Variants in CACUL1 observed in about 807,000 individuals in gnomAD.
CACUL1 encodes CDK2 associated cullin domain 1, also known as CDK2-associated and cullin domain-containing protein 1.
A neutral mutation model predicts 45.2 loss-of-function variants in CACUL1; 13 were observed. That is an observed-to-expected ratio of 0.29 (90% CI 0.19 to 0.46). The LOEUF (loss-of-function observed/expected upper bound fraction) is 0.46, where lower values mean the gene tolerates loss of function less well. Among genes scored for constraint, CACUL1 ranks in the 20% least tolerant of loss-of-function variants. The pLI is 1.00. For missense variants in CACUL1, 421 were observed against 471.4 expected (o/e 0.89, Z 0.99); for synonymous variants, 197 against 174.2 (o/e 1.13, Z -1.03).
intron 1 of CACUL1, among the ~76,000 whole-genome samples, chr10:118,741,705 T>C (rs1845794598): frequency 6.6e-6 from 1 of 152,278 alleles, no homozygotes; most frequent in African/African-American, 2.4e-5. Flanking sequence ...TGTAACACCC[T>C]AACTAGCCCC....
intron 1 of CACUL1, among the ~76,000 whole-genome samples, chr10:118,735,621 T>C (rs1845733280): frequency 6.6e-6 from 1 of 152,208 alleles, no homozygotes; most frequent in South Asian, 2.1e-4. Flanking sequence ...CTTTCCTCAA[T>C]TGCTAATATA....
intron 1 of CACUL1, among the ~76,000 whole-genome samples, chr10:118,748,323 C>T (rs1330857031): frequency 2.0e-5 from 3 of 152,174 alleles, no homozygotes; most frequent in African/African-American, 7.2e-5. Context: ...GGCTTGCTCA[C>T]TGCTTTCTAT....
chr10:118,730,709 T>C (rs2119642781), intron 1 of CACUL1, among the ~76,000 whole-genome samples: 1 of 152,336 alleles, frequency 6.6e-6, no homozygotes, highest in South Asian at 2.1e-4. Flanking sequence ...CTTCTGTCAT[T>C]AGTGGAGCAG....
intron 1 of CACUL1, among the ~76,000 whole-genome samples, chr10:118,743,927 T>C (rs1056994599): frequency 2.0e-5 from 3 of 151,602 alleles, no homozygotes; most frequent in Admixed American, 2.0e-4. Context: ...TTATAAGAAA[T>C]ATTAAAGGAA....
chr10:118,729,422 C>T (rs1376641389), intron 2 of CACUL1, 25 bp from the exon 3 acceptor site: 3 of 1,540,134 alleles, frequency 1.9e-6, no homozygotes, highest in Non-Finnish European at 1.8e-6. Flanking sequence ...AAAACCCCCA[C>T]AAACCAAGTT....
chr10:118,754,859 G>A lies in CACUL1; in HGVS notation c.-97C>T, dbSNP rs1027944688. 2 of 1,464,054 alleles carry A rather than the reference G, an allele frequency of 1.4e-6. No homozygotes were observed. The highest frequency in any genetic ancestry group is 2.4e-5 in the Admixed American group (1 of 40,936). 90.7% of individuals were successfully genotyped at this position (1,464,054 alleles called of 1,614,324 possible). ...CGCTGCCTCCCCGAGTTACATCGCC[G>A]GCGGCAGGAATGGGCGCAGCGGAGA... On this transcript the variant is annotated 5_prime_UTR_variant, in exon 1 of 9. Transcript: ENST00000369151.
chr10:118,679,500 G>A lies in CACUL1; in HGVS notation c.*6628C>T, dbSNP rs1213358638. 1 of 151,736 alleles carries A rather than the reference G, an allele frequency of 6.6e-6. No homozygotes were observed. The highest frequency in any genetic ancestry group is 1.5e-5 in the Non-Finnish European group (1 of 68,026). The allele number at this position is 151,736 out of a possible 1,614,324, so 9.4% of individuals were successfully genotyped here. A position where few individuals can be genotyped will look rare whatever the true frequency, so the allele number is the denominator to read the frequency against. The stretch of plus-strand genomic sequence containing the variant: ...CAAAGTATTGACATTACAGGCAAGA[G>A]CCACTGTGCCAGGCCCAACTTTTTT... On this transcript the variant is annotated 3_prime_UTR_variant, in exon 9 of 9. Transcript: ENST00000369151.
chr10:118,751,515 A>G (rs1845897948), intron 1 of CACUL1, among the ~76,000 whole-genome samples: 1 of 152,156 alleles, frequency 6.6e-6, no homozygotes, highest in Non-Finnish European at 1.5e-5. Context: ...CCCAACTTTT[A>G]TACATGTATC....
intron 7 of CACUL1, 113 bp from the exon 8 acceptor site, chr10:118,686,754 A>G: frequency 1.3e-6 from 1 of 754,970 alleles, no homozygotes; most frequent in Non-Finnish European, 2.3e-6. Flanking sequence ...AACCAAACCT[A>G]TTTAAAAATA....
At chr10:118,738,936 G>A (rs1016386771) in intron 1 of CACUL1, among the ~76,000 whole-genome samples, 2 of 131,248 alleles carry the variant, frequency 1.5e-5, no homozygotes, top group Non-Finnish European at 3.1e-5. Flanking sequence ...TGTGGTTCAC[G>A]CCTGTAATCC....
At chr10:118,715,719 G>A (rs935374353) in intron 3 of CACUL1, among the ~76,000 whole-genome samples, 1 of 151,898 alleles carries the variant, frequency 6.6e-6, no homozygotes, top group Non-Finnish European at 1.5e-5. Flanking sequence ...CTCGTCCCCA[G>A]CCAACCGAAA....
chr10:118,739,193 TC>T lies in CACUL1; in HGVS notation c.368-8784del, dbSNP rs533584365. Among the ~76,000 whole-genome samples, 803 of 135,192 alleles carry T rather than the reference TC, an allele frequency of 5.9e-3. 6 individuals are homozygous for T. Among genetic ancestry groups the T allele is most frequent in the African/African-American group, 0.021 (724 of 34,354 alleles). The allele number at this position is 135,192 out of a possible 152,430, so 88.7% of individuals were successfully genotyped here. ...CCTGGGTGACAGAGACTCCTCCGTC[TC>T]AAAAAAAAAAAAAGGTCAGTGTTAA... On this transcript the variant is annotated intron_variant, in intron 1 of 8. Coordinates refer to ENST00000369151, the MANE Select transcript of CACUL1 (RefSeq NM_153810.5).
Position 118,754,578 on chromosome 10 carries a change from G to A in CACUL1, c.185C>T (p.Ala62Val). 1 of 1,609,614 alleles carries A rather than the reference G, an allele frequency of 6.2e-7. No individual in the cohort carries two copies. Among genetic ancestry groups the A allele is most frequent in the Non-Finnish European group, 8.5e-7 (1 of 1,178,290 alleles). Residue 62 changes from alanine to valine, a missense_variant, in exon 1 of 9, where the codon GCG becomes GTG. Physicochemically the swap from Ala to Val is moderately conservative, Grantham distance 64 (BLOSUM62 0). Transcript: ENST00000369151. ...GGGGCCTTTCCTGTCCACGGAGACC[G>A]CGGGCACCGCCAGCAGCTGCCCCCC... Reference protein sequence around the residue: ...PPGGQLLAVPAVSVDRKGPKE... With the variant: ...PPGGQLLAVPVVSVDRKGPKE...
At position 118,730,193 on chromosome 10, in the gene CACUL1, T is replaced by C. The variant is rs117290284; in HGVS notation, c.494+91A>G. Reference sequence around the variant, plus strand: ...CACTTACAGAGCCTCATCTTATGCATTCTACATTACATGTTTGTGTGAGGC... The same window carrying C: ...CACTTACAGAGCCTCATCTTATGCACTCTACATTACATGTTTGTGTGAGGC... On this transcript the variant is annotated intron_variant, in intron 2 of 8. Transcript: ENST00000369151. 9,949 of 1,323,346 alleles carry C rather than the reference T, an allele frequency of 7.5e-3. 79 individuals are homozygous for C. Among genetic ancestry groups the C allele is most frequent in the Middle Eastern group, 0.054 (289 of 5,318 alleles). 82.0% of individuals were successfully genotyped at this position (1,323,346 alleles called of 1,614,324 possible). A position where few individuals can be genotyped will look rare whatever the true frequency, so the allele number is the denominator to read the frequency against.
intron 7 of CACUL1, 84 bp downstream of exon 7, chr10:118,691,175 CTCAGAA>C: frequency 8.6e-7 from 1 of 1,163,168 alleles, no homozygotes. Flanking sequence ...ACCTCCCATT[CTCAGAA>C]CCTTACCATT....
At position 118,677,751 on chromosome 10, in the gene CACUL1, G is replaced by A. The variant is rs1228313504; in HGVS notation, c.*8377C>T. 1 of 152,168 alleles carries A rather than the reference G, an allele frequency of 6.6e-6. No individual in the cohort carries two copies. The highest frequency in any genetic ancestry group is 6.5e-5 in the Admixed American group (1 of 15,284). 9.4% of individuals were successfully genotyped at this position (152,168 alleles called of 1,614,324 possible). Reference sequence around the variant, plus strand: ...CATACACTTCATTTATTCACTGTATGCTAGATGGGCATTTGGCTCCCTCCT... The same window carrying A: ...CATACACTTCATTTATTCACTGTATACTAGATGGGCATTTGGCTCCCTCCT... On this transcript the variant is annotated 3_prime_UTR_variant, in exon 9 of 9. Coordinates refer to ENST00000369151, the MANE Select transcript of CACUL1 (RefSeq NM_153810.5).
At chr10:118,719,703 CAG>C (rs1564834460) in intron 3 of CACUL1, among the ~76,000 whole-genome samples, 1 of 151,934 alleles carries the variant, frequency 6.6e-6, no homozygotes, top group Non-Finnish European at 1.5e-5. Flanking sequence ...CCCAGCTACT[CAG>C]GGGGCCAAGG....
At chr10:118,688,703 G>A (rs1468261011) in intron 7 of CACUL1, among the ~76,000 whole-genome samples, 1 of 152,136 alleles carries the variant, frequency 6.6e-6, no homozygotes, top group Non-Finnish European at 1.5e-5. Flanking sequence ...TGTTACCGTT[G>A]ACAACAGATA....
intron 3 of CACUL1, among the ~76,000 whole-genome samples, chr10:118,724,461 C>G (rs1425545029): frequency 1.3e-5 from 2 of 152,108 alleles, no homozygotes; most frequent in East Asian, 3.9e-4. Context: ...CCAGTAGAGT[C>G]ATAGTTAAAT....
Sources: gnomAD v4.1 joint callset for allele counts (sites outside exome capture counted in the v4.1 genomes callset) on GRCh38, gnomAD v4.1.1 for gene constraint, MANE v1.5 for transcripts, NCBI Gene and HGNC (gene_info 2026-07-23, HGNC 2026-07-21) for gene names.